The following NCAPD2 variants were observed in gnomAD, a reference collection of about 807,000 sequenced individuals.
NCAPD2 encodes the protein condensin complex subunit 1.
A neutral mutation model predicts 164.5 loss-of-function variants in NCAPD2; 100 were observed. The ratio of observed to expected loss-of-function variants is 0.61; its 90% confidence interval spans 0.52 to 0.72. NCAPD2 has a LOEUF of 0.72. NCAPD2 is among the 30% of genes least tolerant of loss of function. The pLI is 0.00. For synonymous variants in NCAPD2, 585 were observed against 642.6 expected, an observed-to-expected ratio of 0.91 and a Z score of 1.36; for missense variants, 1,560 against 1,749.2, an observed-to-expected ratio of 0.89 and a Z score of 1.93.
At chr12:6,527,155 T>C in intron 22 of NCAPD2, 92 bp downstream of exon 22, 3 of 1,363,336 alleles carry the variant, frequency 2.2e-6, no homozygotes, top group Non-Finnish European at 3.0e-6. Context: ...GCTCCTCTGC[T>C]ATTACATGAA....
chr12:6,504,212 T>C (rs1004541477), intron 2 of NCAPD2, among the ~76,000 whole-genome samples: 2,421 of 17,888 alleles, frequency 0.14, 24 homozygotes, highest in Non-Finnish European at 0.16. Context: ...TATATATATA[T>C]ATATAGATAT....
intron 13 of NCAPD2, among the ~76,000 whole-genome samples, chr12:6,518,504 GTTTTTTTT>G (rs56183938): frequency 4.2e-4 from 19 of 44,782 alleles, no homozygotes; most frequent in South Asian, 1.7e-3. Flanking sequence ...CCGTCAACAA[GTTTTTTTT>G]TTTTTTTTTT....
chr12:6,526,634 AC>A lies in NCAPD2; in HGVS notation c.2734+22del, dbSNP rs1946320677. On this transcript the variant is annotated intron_variant, in intron 21 of 31. Coordinates refer to ENST00000315579, the MANE Select transcript of NCAPD2 (RefSeq NM_014865.4). Reference sequence around the variant, plus strand: ...GACCCGAGTAAGTGGGCAGGGGTTGACCCACTGCGGCAGCCAGCTTCTGTTC... The same window carrying A: ...GACCCGAGTAAGTGGGCAGGGGTTGACCACTGCGGCAGCCAGCTTCTGTTC... 1 of 1,605,562 alleles carries A rather than the reference AC, an allele frequency of 6.2e-7. No individual in the cohort carries two copies. The highest frequency in any genetic ancestry group is 1.3e-5 in the African/African-American group (1 of 74,834).
At chr12:6,525,216 T>C (rs1946304961) in intron 17 of NCAPD2, among the ~76,000 whole-genome samples, 1 of 152,230 alleles carries the variant, frequency 6.6e-6, no homozygotes, top group South Asian at 2.1e-4. Flanking sequence ...AGAGTGTTGA[T>C]ACCACTGGCA....
At chr12:6,520,820 T>C (rs1306225862) in intron 13 of NCAPD2, 166 bp from the exon 14 acceptor site, 2 of 782,416 alleles carry the variant, frequency 2.6e-6, no homozygotes, top group African/African-American at 3.5e-5. Context: ...GCAAAGTGTT[T>C]TGAGCCCTAC....
chr12:6,529,853 T>G lies in NCAPD2; in HGVS notation c.3732T>G (p.Leu1244=). Reference sequence around the variant, plus strand: ...CAGAGCGAGGCCTCCGTAAGATGCTTGACAATTTTGACTGTTTTGGAGACA... The same window carrying G: ...CAGAGCGAGGCCTCCGTAAGATGCTGGACAATTTTGACTGTTTTGGAGACA... The part of the protein sequence containing the change: ...PLTERGLRKM[L]DNFDCFGDKL... The change falls in exon 29 of 32, where the codon CTT becomes CTG. Residue 1244 remains leucine (L), a synonymous_variant. Coordinates refer to ENST00000315579, the MANE Select transcript of NCAPD2 (RefSeq NM_014865.4). 2 of 1,614,250 alleles carry G rather than the reference T, an allele frequency of 1.2e-6. No individual in the cohort carries two copies. Among genetic ancestry groups the G allele is most frequent in the Non-Finnish European group, 1.7e-6 (2 of 1,180,040 alleles).
rs368645708 is a variant in NCAPD2, at chr12:6,510,123, C to T, written c.252C>T (p.Phe84=). ...GCCTCAAAGAAGATACTCTGCAATT[C>T]CTGATAAAAGGTGTTTATGGGTCAG... The part of the protein sequence containing the change: ...DPGLKEDTLQ[F]LIKVVSRHSQ... The change falls in exon 4 of 32, where the codon TTC becomes TTT. Residue 84 remains phenylalanine, a synonymous_variant. Coordinates refer to ENST00000315579, the MANE Select transcript of NCAPD2 (RefSeq NM_014865.4). 52 of 1,610,210 alleles carry T rather than the reference C, an allele frequency of 3.2e-5. No individual in the cohort carries two copies. The highest frequency in any genetic ancestry group is 9.4e-5 in the African/African-American group (7 of 74,758).
At chr12:6,508,877 C>T (rs1245073781) in intron 2 of NCAPD2, among the ~76,000 whole-genome samples, 2 of 152,066 alleles carry the variant, frequency 1.3e-5, no homozygotes, top group African/African-American at 4.8e-5. Context: ...TGTAATCTTA[C>T]GAAAATACAT....
intron 2 of NCAPD2, among the ~76,000 whole-genome samples, chr12:6,501,227 A>ATTTTTTTTT (rs71067121): frequency 5.8e-5 from 4 of 69,174 alleles, no homozygotes; most frequent in East Asian, 6.4e-4. Flanking sequence ...CGCCTGGCTA[A>ATTTTTTTTT]TTTTTTTTTT....
In NCAPD2 at chr12:6,517,365, G is replaced by C. The variant is rs1181563069; in HGVS notation, c.1186G>C (p.Ala396Pro). Residue 396 changes from alanine to proline, a missense_variant and splice_region_variant, in exon 11 of 32, where the codon GCT becomes CCT. Transcript: ENST00000315579. ...QLFTRIVQQKALPLTRFQAVV... is the reference protein window; with the variant it reads ...QLFTRIVQQKPLPLTRFQAVV... Reference sequence around the variant, plus strand: ...ATTCTTCTCTTCCTACCCTACACAGGCTCTCCCCCTGACACGTTTCCAGGC... The same window carrying C: ...ATTCTTCTCTTCCTACCCTACACAGCCTCTCCCCCTGACACGTTTCCAGGC... 5.6e-6 allele frequency: 9 copies of C among 1,613,846 alleles called. No homozygotes were observed. Among genetic ancestry groups the C allele is most frequent in the Non-Finnish European group, 6.8e-6 (8 of 1,179,914 alleles).
At position 6,528,975 on chromosome 12, in the gene NCAPD2, A is replaced by T. The variant is rs145398040; in HGVS notation, c.3508A>T (p.Ile1170Phe). ...CGCAATCTATAATCTCCTTCCAGAT[A>T]TCATCAGCCGCCTGTCAGACCCCGA... ...GNAIYNLLPDIISRLSDPELG... is the reference protein window; with the variant it reads ...GNAIYNLLPDFISRLSDPELG... Residue 1170 changes from isoleucine to phenylalanine, a missense_variant, in exon 27 of 32, where the codon ATC becomes TTC. Physicochemically the swap from Ile to Phe is conservative, Grantham distance 21 (BLOSUM62 0). Coordinates refer to ENST00000315579, the MANE Select transcript of NCAPD2 (RefSeq NM_014865.4). The surrounding 1 kb of genome is among the most constrained non-coding windows in gnomAD (Gnocchi z 5.1). 20 of 1,613,842 alleles carry T rather than the reference A, an allele frequency of 1.2e-5. No individual in the cohort carries two copies. Among genetic ancestry groups the T allele is most frequent in the Non-Finnish European group, 1.7e-5 (20 of 1,180,046 alleles).
At position 6,510,474 on chromosome 12, in the gene NCAPD2, G is replaced by A. The variant is rs771378502; in HGVS notation, c.263-155G>A. The A allele has an allele frequency of 1.9e-5, 17 of 897,162 alleles. No homozygotes were observed. In the African/African-American group the frequency reaches 2.8e-4, roughly 15 times the overall value. The allele number at this position is 897,162 out of a possible 1,614,324, so 55.6% of individuals were successfully genotyped here. A position where few individuals can be genotyped will look rare whatever the true frequency, so the allele number is the denominator to read the frequency against. ...GAACAGGGCATGTTCAGGGTATCAG[G>A]GCCAAGGGTCCTAAAGGACTTAGCT... On this transcript the variant is annotated intron_variant, in intron 4 of 31. Coordinates refer to ENST00000315579, the MANE Select transcript of NCAPD2 (RefSeq NM_014865.4).
chr12:6,497,680 C>T lies in NCAPD2; in HGVS notation c.127+2455C>T, dbSNP rs192581979. Among the ~76,000 whole-genome samples, 8 of 152,106 alleles carry T rather than the reference C, an allele frequency of 5.3e-5. No homozygotes were observed. In the East Asian group the frequency reaches 9.6e-4, roughly 18 times the overall value. ...TGTCACCCAGGCTGGAGTGCAGTGG[C>T]GCAATCTCAGCTCACTGCAGCCTCC... On this transcript the variant is annotated intron_variant, in intron 2 of 31. Transcript: ENST00000315579.
chr12:6,510,588 A>G, intron 4 of NCAPD2, 41 bp from the exon 5 acceptor site: 7 of 1,608,798 alleles, frequency 4.4e-6, no homozygotes, highest in Non-Finnish European at 6.0e-6. Context: ...GGTATATGAA[A>G]GAAGTGAGTG....
Position 6,529,784 on chromosome 12 carries a change from G to A in NCAPD2, c.3663G>A (p.Arg1221=). ...CQRFRTSRTE[R]QQRDLAYCVS... is the part of the protein sequence containing the mutation. The stretch of plus-strand genomic sequence containing the variant: ...CCCTTCCTATCTGCAGAACTGAGCG[G>A]CAGCAGCGAGACCTGGCCTACTGTG... Residue 1221 remains arginine (R), a synonymous_variant, in exon 29 of 32, where the codon CGG becomes CGA. Transcript: ENST00000315579. 1 of 1,612,974 alleles carries A rather than the reference G, an allele frequency of 6.2e-7. No individual in the cohort carries two copies.
intron 17 of NCAPD2, among the ~76,000 whole-genome samples, chr12:6,524,378 C>T (rs1253480293): frequency 6.6e-6 from 1 of 152,112 alleles, no homozygotes; most frequent in African/African-American, 2.4e-5. Context: ...CGATGGCTCA[C>T]GTCTGTAATC....
chr12:6,520,740 T>C (rs1451026581), intron 13 of NCAPD2, among the ~76,000 whole-genome samples: 2 of 152,218 alleles, frequency 1.3e-5, no homozygotes, highest in Non-Finnish European at 2.9e-5. Flanking sequence ...TTTTGAAGAC[T>C]GTAGTAATGC....
At chr12:6,521,661 A>T in intron 14 of NCAPD2, 137 bp from the exon 15 acceptor site, 3 of 1,099,254 alleles carry the variant, frequency 2.7e-6, no homozygotes, top group Non-Finnish European at 3.9e-6. Context: ...TGCACAGCCT[A>T]GGCAACAGAG....
Position 6,531,429 on chromosome 12 carries a change from C to T in NCAPD2, c.*17C>T, listed in dbSNP as rs867813754. 2.5e-6 allele frequency: 4 copies of T among 1,612,744 alleles called. No homozygotes were observed. Among genetic ancestry groups the T allele is most frequent in the Middle Eastern group, 3.4e-4 (2 of 5,926 alleles). On this transcript the variant is annotated 3_prime_UTR_variant, in exon 32 of 32. Transcript: ENST00000315579. This position sits in a 1 kb window ranked among gnomAD's most constrained non-coding sequence, Gnocchi z 4.1. ...AGATCCTAGGAAGTCTGTTCCTGTCCTCCCTGTGCAGGGTATCCTGTAGGG... is the reference window on the plus strand; with the variant it reads ...AGATCCTAGGAAGTCTGTTCCTGTCTTCCCTGTGCAGGGTATCCTGTAGGG...
Sources: gnomAD v4.1 joint callset for allele counts (sites outside exome capture counted in the v4.1 genomes callset) on GRCh38, gnomAD v4.1.1 for gene constraint, Gnocchi (gnomAD v3.1) non-coding constraint, MANE v1.5 for transcripts, NCBI Gene and HGNC (gene_info 2026-07-23, HGNC 2026-07-21) for gene names.